ADAMTS3: variants seen among roughly 807,000 people sequenced by gnomAD.
The protein encoded by ADAMTS3 is A disintegrin and metalloproteinase with thrombospondin motifs 3.
Under a neutral mutation model 129.0 loss-of-function variants are expected in ADAMTS3, and 73 were observed. The observed-to-expected ratio is 0.57, with a 90% CI of 0.47 to 0.69. ADAMTS3 has a LOEUF of 0.69. Among genes scored for constraint, ADAMTS3 ranks in the 30% least tolerant of loss-of-function variants. ADAMTS3 has a pLI of 0.00. For synonymous variants in ADAMTS3, 477 were observed against 510.8 expected (o/e 0.93, Z 0.89); for missense variants, 1,457 against 1,514.5 (o/e 0.96, Z 0.63).
intron 3 of ADAMTS3, among the ~76,000 whole-genome samples, chr4:72,430,203 T>C (rs1722664418): frequency 6.6e-6 from 1 of 152,046 alleles, no homozygotes; most frequent in Non-Finnish European, 1.5e-5. Context: ...TTAATTTCCT[T>C]GCCCTTGAAT....
chr4:72,403,275 T>C (rs1005129600), intron 4 of ADAMTS3, among the ~76,000 whole-genome samples: 1 of 152,100 alleles, frequency 6.6e-6, no homozygotes, highest in African/African-American at 2.4e-5. Flanking sequence ...AGTAAGTATA[T>C]GGCTTCATGG....
intron 5 of ADAMTS3, among the ~76,000 whole-genome samples, chr4:72,332,956 GT>G (rs1719888276): frequency 6.6e-6 from 1 of 152,170 alleles, no homozygotes; most frequent in South Asian, 2.1e-4. Flanking sequence ...AGGCAGTGAA[GT>G]TTGGGGAGGA....
chr4:72,507,661 C>T (rs1239339023), intron 3 of ADAMTS3, among the ~76,000 whole-genome samples: 3 of 152,150 alleles, frequency 2.0e-5, no homozygotes, highest in Admixed American at 6.5e-5. Context: ...CACCTTGTTT[C>T]GGTACACTAT....
intron 3 of ADAMTS3, among the ~76,000 whole-genome samples, chr4:72,533,652 T>C (rs1029657510): frequency 6.6e-6 from 1 of 151,868 alleles, no homozygotes; most frequent in Non-Finnish European, 1.5e-5. Context: ...TATGTATATA[T>C]ACATATATAT....
At chr4:72,467,956 A>C (rs899806153) in intron 3 of ADAMTS3, among the ~76,000 whole-genome samples, 1 of 151,984 alleles carries the variant, frequency 6.6e-6, no homozygotes, top group African/African-American at 2.4e-5. Flanking sequence ...AAGCTATATT[A>C]TATCATATAT....
At chr4:72,366,882 T>C (rs71601798) in intron 4 of ADAMTS3, among the ~76,000 whole-genome samples, 1 of 151,638 alleles carries the variant, frequency 6.6e-6, no homozygotes, top group Non-Finnish European at 1.5e-5. Context: ...TCTAAATAAG[T>C]GGTTCTTTCT....
In ADAMTS3 at chr4:72,283,711, A is replaced by C; in HGVS notation, c.3050-7T>G. The C allele has an allele frequency of 6.5e-7, 1 of 1,540,206 alleles. No homozygotes were observed. Among genetic ancestry groups the C allele is most frequent in the Non-Finnish European group, 8.7e-7 (1 of 1,143,230 alleles). On this transcript the variant is annotated splice_region_variant and splice_polypyrimidine_tract_variant and intron_variant, in intron 21 of 21. Transcript: ENST00000286657. ...TCTCCCAAACATGGTTCATCTGCAA[A>C]AATAAAAAGAAAATAAACTAACACT...
intron 3 of ADAMTS3, among the ~76,000 whole-genome samples, chr4:72,485,066 G>C (rs1719543032): frequency 6.6e-6 from 1 of 152,242 alleles, no homozygotes; most frequent in South Asian, 2.1e-4. Flanking sequence ...AAAGAGAAAT[G>C]CAGCATATTA....
In ADAMTS3 at chr4:72,328,589, C is replaced by T. The variant is rs573287080; in HGVS notation, c.862-5492G>A. 6.6e-5 allele frequency among the ~76,000 whole-genome samples: 10 copies of T among 152,228 alleles called. No homozygotes were observed. The East Asian group carries it at 1.9e-3, about 29-fold the overall frequency. ...GTTATTTGTCTCTGTGCCTCAGTTT[C>T]CTCACCTGTAAACTGGGATAATTAC... On this transcript the variant is annotated intron_variant, in intron 5 of 21. Transcript: ENST00000286657.
At chr4:72,545,232 T>A (rs1267513620) in intron 3 of ADAMTS3, among the ~76,000 whole-genome samples, 2 of 152,148 alleles carry the variant, frequency 1.3e-5, no homozygotes, top group African/African-American at 4.8e-5. Flanking sequence ...ATATGAAAAT[T>A]AGACATGAGA....
intron 3 of ADAMTS3, among the ~76,000 whole-genome samples, chr4:72,498,636 C>T (rs542051504): frequency 7.1e-6 from 1 of 140,008 alleles, no homozygotes; most frequent in African/African-American, 3.3e-5. Flanking sequence ...CTCTCTCTCA[C>T]TCTCTCTCTC....
chr4:72,429,852 T>C (rs1722655220), intron 3 of ADAMTS3, among the ~76,000 whole-genome samples: 2 of 151,990 alleles, frequency 1.3e-5, no homozygotes, highest in African/African-American at 4.8e-5. Context: ...GAAAAGACCA[T>C]ATCATGGTCA....
intron 15 of ADAMTS3, among the ~76,000 whole-genome samples, chr4:72,306,329 A>C (rs1719090216): frequency 6.6e-6 from 1 of 152,004 alleles, no homozygotes; most frequent in Non-Finnish European, 1.5e-5. Context: ...TCTTGCGTTG[A>C]CCTTCAAATG....
chr4:72,346,708 C>A (rs2109839339), intron 4 of ADAMTS3, among the ~76,000 whole-genome samples: 1 of 152,066 alleles, frequency 6.6e-6, no homozygotes, highest in Middle Eastern at 3.4e-3. Flanking sequence ...ATATTTAATA[C>A]TAAAAACCTA....
chr4:72,436,072 C>A (rs1024392061), intron 3 of ADAMTS3, among the ~76,000 whole-genome samples: 4 of 151,976 alleles, frequency 2.6e-5, no homozygotes, highest in Non-Finnish European at 5.9e-5. Flanking sequence ...AGGCAACCTA[C>A]AGAATGGGAG....
intron 19 of ADAMTS3, among the ~76,000 whole-genome samples, chr4:72,291,912 C>G (rs1718681943): frequency 6.6e-6 from 1 of 152,160 alleles, no homozygotes; most frequent in South Asian, 2.1e-4. Context: ...GTGGCTGAAA[C>G]TTTTAATGCC....
At chr4:72,295,040 C>G (rs1349516993) in intron 19 of ADAMTS3, among the ~76,000 whole-genome samples, 1 of 151,830 alleles carries the variant, frequency 6.6e-6, no homozygotes, top group Non-Finnish European at 1.5e-5. Flanking sequence ...GGGATTGATA[C>G]TGAGAAAGAG....
chr4:72,522,248 A>G (rs1156438871), intron 3 of ADAMTS3, among the ~76,000 whole-genome samples: 1 of 152,196 alleles, frequency 6.6e-6, no homozygotes, highest in Non-Finnish European at 1.5e-5. Flanking sequence ...TAGGTGTGGT[A>G]GGACAAATTT....
chr4:72,498,470 A>G (rs1302999074), intron 3 of ADAMTS3, among the ~76,000 whole-genome samples: 1 of 152,124 alleles, frequency 6.6e-6, no homozygotes, highest in Non-Finnish European at 1.5e-5. Context: ...GAAAAAGTAC[A>G]TGAATGAGAA....
Sources: gnomAD v4.1 joint callset for allele counts (sites outside exome capture counted in the v4.1 genomes callset) on GRCh38, gnomAD v4.1.1 for gene constraint, MANE v1.5 for transcripts, NCBI Gene and HGNC (gene_info 2026-07-23, HGNC 2026-07-21) for gene names.